EPB41: variants seen among roughly 807,000 people sequenced by gnomAD.
EPB41 encodes the protein erythrocyte membrane protein band 4.1.
A neutral mutation model predicts 108.0 loss-of-function variants in EPB41; 65 were observed. The observed-to-expected ratio is 0.60, with a 90% CI of 0.49 to 0.74. EPB41 has a LOEUF of 0.74. EPB41 is among the 30% of genes least tolerant of loss of function. The probability of loss-of-function intolerance (pLI) is 0.00; values close to 1 mark genes in which losing one functional copy is unlikely to be tolerated. For synonymous variants in EPB41, 336 were observed against 358.9 expected, an observed-to-expected ratio of 0.94 and a Z score of 0.72; for missense variants, 875 against 1,037.0, an observed-to-expected ratio of 0.84 and a Z score of 2.15.
chr1:28,988,266 C>T (rs1235969126), intron 2 of EPB41, among the ~76,000 whole-genome samples: 5 of 152,030 alleles, frequency 3.3e-5, no homozygotes, highest in African/African-American at 9.7e-5. Context: ...GTCTCAACAA[C>T]GGGGGGATAA....
At chr1:28,982,562 G>A (rs540715894) in intron 1 of EPB41, 10 of 1,495,330 alleles carry the variant, frequency 6.7e-6, no homozygotes, top group South Asian at 4.5e-5. Flanking sequence ...CCAGAGTAGC[G>A]TCCAGCCAGG....
At chr1:28,994,462 C>T (rs1455308680) in intron 3 of EPB41, among the ~76,000 whole-genome samples, 6 of 151,952 alleles carry the variant, frequency 3.9e-5, no homozygotes, top group South Asian at 2.1e-4. Context: ...TGAGCCACCG[C>T]GCCCGGCCAG....
intron 18 of EPB41, among the ~76,000 whole-genome samples, chr1:29,111,328 C>A (rs992464861): frequency 1.3e-5 from 2 of 152,070 alleles, no homozygotes; most frequent in Admixed American, 1.3e-4. Flanking sequence ...AAAGTAAATA[C>A]AGAATTGTGA....
At chr1:29,089,163 G>A (rs1660317002) in intron 16 of EPB41, among the ~76,000 whole-genome samples, 1 of 152,104 alleles carries the variant, frequency 6.6e-6, no homozygotes, top group African/African-American at 2.4e-5. Flanking sequence ...CAAGTGATTA[G>A]CACAGCACCT....
At chr1:29,058,472 A>G (rs977458589) in intron 12 of EPB41, 117 bp from the exon 13 acceptor site, 32 of 888,072 alleles carry the variant, frequency 3.6e-5, no homozygotes, top group Middle Eastern at 2.9e-4. Context: ...CATCATGATG[A>G]TTACGTATCA....
intron 17 of EPB41, among the ~76,000 whole-genome samples, chr1:29,109,130 G>A (rs1026742236): frequency 3.3e-5 from 5 of 151,764 alleles, no homozygotes; most frequent in Non-Finnish European, 5.9e-5. Flanking sequence ...ACCGGGAAGC[G>A]GAGGTTGCAG....
intron 11 of EPB41, among the ~76,000 whole-genome samples, chr1:29,043,546 C>T (rs1642273101): frequency 6.6e-6 from 1 of 152,154 alleles, no homozygotes; most frequent in African/African-American, 2.4e-5. Flanking sequence ...TTTAAATAGC[C>T]ACATGTGGTG....
intron 5 of EPB41, among the ~76,000 whole-genome samples, 166 bp from the exon 6 acceptor site, chr1:29,015,526 T>G (rs1487344968): frequency 6.6e-6 from 1 of 151,660 alleles, no homozygotes; most frequent in African/African-American, 2.4e-5. Flanking sequence ...TAGATCACGC[T>G]TCACGCTACG....
At chr1:29,084,357 A>G (rs1361362095) in intron 16 of EPB41, among the ~76,000 whole-genome samples, 1 of 152,258 alleles carries the variant, frequency 6.6e-6, no homozygotes, top group Admixed American at 6.5e-5. Flanking sequence ...CATTGCACAG[A>G]TGATGGTGAC....
At chr1:28,996,558 C>A (rs2096180957) in intron 3 of EPB41, among the ~76,000 whole-genome samples, 1 of 152,060 alleles carries the variant, frequency 6.6e-6, no homozygotes. Flanking sequence ...TCATAGCATG[C>A]TACAGGATAT....
At chr1:28,916,652 T>C (rs2092695606) in intron 1 of EPB41, among the ~76,000 whole-genome samples, 1 of 152,158 alleles carries the variant, frequency 6.6e-6, no homozygotes, top group South Asian at 2.1e-4. Context: ...GGTGAACTCA[T>C]TGTTGAACAT....
intron 3 of EPB41, among the ~76,000 whole-genome samples, chr1:28,996,509 G>C (rs1350185567): frequency 6.6e-6 from 1 of 152,172 alleles, no homozygotes; most frequent in African/African-American, 2.4e-5. Context: ...CTGGACAGTT[G>C]ATTCAGTAAT....
chr1:29,034,359 A>G (rs1638570253), intron 9 of EPB41, among the ~76,000 whole-genome samples: 1 of 152,174 alleles, frequency 6.6e-6, no homozygotes, highest in South Asian at 2.1e-4. Context: ...TAGAATTCTT[A>G]TTTAGAAGGC....
At chr1:29,109,154 C>T (rs533488407) in intron 17 of EPB41, among the ~76,000 whole-genome samples, 182 bp from the exon 18 acceptor site, 17 of 151,326 alleles carry the variant, frequency 1.1e-4, no homozygotes, top group Admixed American at 2.0e-4. Context: ...GCTGAGATCA[C>T]GCCACTGCAT....
At chr1:29,030,588 A>G (rs1034401645) in intron 8 of EPB41, 101 bp downstream of exon 8, 41 of 939,678 alleles carry the variant, frequency 4.4e-5, no homozygotes, top group Non-Finnish European at 6.6e-5. Flanking sequence ...ATACTTTTTA[A>G]CAACATCTGG....
At chr1:28,963,159 T>A (rs1399862959) in intron 1 of EPB41, among the ~76,000 whole-genome samples, 2 of 152,188 alleles carry the variant, frequency 1.3e-5, no homozygotes, top group South Asian at 2.1e-4. Context: ...AGTTTGTTTT[T>A]TTATATATAC....
intron 4 of EPB41, among the ~76,000 whole-genome samples, chr1:29,000,527 A>C (rs2096274789): frequency 6.6e-6 from 1 of 152,240 alleles, no homozygotes; most frequent in Non-Finnish European, 1.5e-5. Flanking sequence ...TGGCTGTGTA[A>C]GAAAAGGGCA....
intron 1 of EPB41, among the ~76,000 whole-genome samples, chr1:28,969,011 C>T (rs993257307): frequency 2.1e-5 from 3 of 143,560 alleles, no homozygotes; most frequent in African/African-American, 7.6e-5. Flanking sequence ...AAATGAACTT[C>T]GCTTTCTAGA....
chr1:29,075,704 A>ATGATATATTTATATTGAGATAGG (rs1553286794), intron 16 of EPB41, among the ~76,000 whole-genome samples: 2 of 152,200 alleles, frequency 1.3e-5, no homozygotes, highest in African/African-American at 4.8e-5. Context: ...ATAAGATCCT[A>ATGATATATTTATATTGAGATAGG]TCTCAATAAA....
Sources: allele counts gnomAD v4.1 joint callset (sites outside exome capture counted in the v4.1 genomes callset), GRCh38; gene constraint gnomAD v4.1.1; transcripts MANE v1.5; gene names NCBI Gene and HGNC (gene_info 2026-07-23, HGNC 2026-07-21).